The following NKAIN2 variants were observed in gnomAD, a reference collection of about 807,000 sequenced individuals.
NKAIN2 encodes sodium/potassium transporting ATPase interacting 2.
In NKAIN2, 14 loss-of-function variants were observed where a neutral mutation model predicts 32.6. That is an observed-to-expected ratio of 0.43 (90% CI 0.28 to 0.67). NKAIN2 has a LOEUF of 0.67. Ranked by LOEUF, NKAIN2 falls within the 30% of genes least tolerant of loss-of-function variation. NKAIN2 has a pLI of 0.17. For missense variants in NKAIN2, 198 were observed against 258.3 expected (o/e 0.77, Z 1.60); for synonymous variants, 80 against 87.2 (o/e 0.92, Z 0.46).
chr6:123,880,961 C>G (rs540287075), intron 1 of NKAIN2, among the ~76,000 whole-genome samples: 5 of 152,162 alleles, frequency 3.3e-5, no homozygotes, highest in Admixed American at 1.3e-4. Flanking sequence ...TAGATTTTCA[C>G]CAAAGTTATA....
chr6:124,441,554 G>T (rs1369313764), intron 3 of NKAIN2, among the ~76,000 whole-genome samples: 1 of 152,022 alleles, frequency 6.6e-6, no homozygotes, highest in Non-Finnish European at 1.5e-5. Context: ...CTCTGAAAAG[G>T]TCCACATGGA....
chr6:123,901,842 TA>T (rs1388609449), intron 1 of NKAIN2, among the ~76,000 whole-genome samples: 2 of 152,096 alleles, frequency 1.3e-5, no homozygotes, highest in African/African-American at 2.4e-5. Flanking sequence ...ATTGAGAAAG[TA>T]TAGCTTAAAT....
At chr6:124,476,348 AAATC>A (rs1267992022) in intron 3 of NKAIN2, among the ~76,000 whole-genome samples, 1 of 145,644 alleles carries the variant, frequency 6.9e-6, no homozygotes, top group East Asian at 2.2e-4. Flanking sequence ...AGGAGGTTTT[AAATC>A]AATCAAACCT....
At chr6:124,665,489 T>C (rs1217315621) in intron 4 of NKAIN2, among the ~76,000 whole-genome samples, 1 of 152,138 alleles carries the variant, frequency 6.6e-6, no homozygotes, top group East Asian at 1.9e-4. Context: ...GGGGCAGTAC[T>C]CTAAGTCAGT....
chr6:123,877,507 C>T (rs1479243900), intron 1 of NKAIN2, among the ~76,000 whole-genome samples: 1 of 152,170 alleles, frequency 6.6e-6, no homozygotes, highest in Admixed American at 6.5e-5. Context: ...CAACTACAAT[C>T]CTTCAGTGGT....
At chr6:124,283,531 A>C (rs1351512255) in intron 2 of NKAIN2, among the ~76,000 whole-genome samples, 1 of 152,236 alleles carries the variant, frequency 6.6e-6, no homozygotes, top group Non-Finnish European at 1.5e-5. Flanking sequence ...ATCAATAGGA[A>C]TGAACATATA....
chr6:124,382,525 A>T (rs1772691720), intron 3 of NKAIN2, among the ~76,000 whole-genome samples: 1 of 152,116 alleles, frequency 6.6e-6, no homozygotes, highest in South Asian at 2.1e-4. Context: ...AAGCTACACA[A>T]TATTGGGGTA....
chr6:123,996,574 A>C (rs1779628473), intron 1 of NKAIN2, among the ~76,000 whole-genome samples: 1 of 152,158 alleles, frequency 6.6e-6, no homozygotes, highest in African/African-American at 2.4e-5. Context: ...TTTATTAAAG[A>C]ATTTCAAATT....
chr6:124,701,603 T>C (rs1774795842), intron 4 of NKAIN2, among the ~76,000 whole-genome samples: 1 of 152,044 alleles, frequency 6.6e-6, no homozygotes, highest in South Asian at 2.1e-4. Context: ...AACACTGATA[T>C]AATAATTGTT....
intron 3 of NKAIN2, among the ~76,000 whole-genome samples, chr6:124,512,330 C>T (rs1210972713): frequency 2.0e-5 from 3 of 152,088 alleles, no homozygotes; most frequent in Non-Finnish European, 4.4e-5. Flanking sequence ...AAATCCTTGT[C>T]TCTTATTGGC....
rs541286501 is a variant in NKAIN2 at position 123,964,106 on chromosome 6, G to T, written c.54+159852G>T. On this transcript the variant is annotated intron_variant, in intron 1 of 6. Coordinates refer to ENST00000368417, the MANE Select transcript of NKAIN2 (RefSeq NM_001040214.3). This position sits in a 1 kb window ranked among gnomAD's most constrained non-coding sequence, Gnocchi z 4.0. ...TCCAATTACAAAATTACTCCTAGGG[G>T]AAAATACAAGCTGTTTTATGGTGTG... 2.0e-5 allele frequency among the ~76,000 whole-genome samples: 3 copies of T among 152,238 alleles called. No individual in the cohort carries two copies. In the East Asian group the frequency reaches 5.8e-4, roughly 29 times the overall value.
intron 3 of NKAIN2, among the ~76,000 whole-genome samples, chr6:124,371,219 T>G (rs1799747176): frequency 6.6e-6 from 1 of 152,028 alleles, no homozygotes; most frequent in Non-Finnish European, 1.5e-5. Flanking sequence ...AAAACAAAGT[T>G]AACAGAATAT....
chr6:124,649,912 A>T (rs370262890), intron 3 of NKAIN2, among the ~76,000 whole-genome samples: 30 of 152,224 alleles, frequency 2.0e-4, no homozygotes, highest in African/African-American at 7.2e-4. Context: ...ACATCAGTAG[A>T]TGTATAAAAA....
At chr6:123,859,694 TTTTG>T (rs1775704406) in intron 1 of NKAIN2, among the ~76,000 whole-genome samples, 1 of 152,112 alleles carries the variant, frequency 6.6e-6, no homozygotes, top group Non-Finnish European at 1.5e-5. Context: ...ATTTACTTTT[TTTTG>T]TTTGTTTTTG....
At chr6:124,515,264 A>G (rs1778860551) in intron 3 of NKAIN2, among the ~76,000 whole-genome samples, 1 of 152,220 alleles carries the variant, frequency 6.6e-6, no homozygotes, top group Non-Finnish European at 1.5e-5. Context: ...TATAAAGAAA[A>G]GAGGTCTATT....
intron 4 of NKAIN2, among the ~76,000 whole-genome samples, chr6:124,726,642 C>T (rs1776330815): frequency 1.4e-5 from 2 of 147,752 alleles, no homozygotes; most frequent in Non-Finnish European, 3.0e-5. Context: ...CTCTAAAAAC[C>T]AGAGCGCCTC....
chr6:123,867,366 T>G (rs999294096), intron 1 of NKAIN2, among the ~76,000 whole-genome samples: 1 of 152,234 alleles, frequency 6.6e-6, no homozygotes, highest in African/African-American at 2.4e-5. Context: ...TCACTTTACT[T>G]TTATTAGCCT....
intron 1 of NKAIN2, among the ~76,000 whole-genome samples, chr6:124,130,445 T>G (rs1425198032): frequency 2.0e-5 from 3 of 152,212 alleles, no homozygotes; most frequent in Admixed American, 1.3e-4. Context: ...TTTTAACTAC[T>G]GTGACATTTT....
intron 1 of NKAIN2, among the ~76,000 whole-genome samples, chr6:124,251,906 G>T (rs908594939): frequency 6.6e-6 from 1 of 151,924 alleles, no homozygotes; most frequent in Admixed American, 6.6e-5. Context: ...CTGCAAAGAA[G>T]ATATATATAA....
Sources: allele counts gnomAD v4.1 joint callset (sites outside exome capture counted in the v4.1 genomes callset), GRCh38; gene constraint gnomAD v4.1.1; non-coding constraint Gnocchi (gnomAD v3.1); transcripts MANE v1.5; gene names NCBI Gene and HGNC (gene_info 2026-07-23, HGNC 2026-07-21).